DISP1: variants seen among roughly 807,000 people sequenced by gnomAD.
DISP1 encodes protein dispatched homolog 1.
DISP1 carries 30 observed loss-of-function variants against 37.3 expected under a neutral mutation model. That is an observed-to-expected ratio of 0.80 (90% CI 0.60 to 1.09). The LOEUF is 1.09. Among genes scored for constraint, DISP1 ranks in the 50% least tolerant of loss-of-function variants. The probability of loss-of-function intolerance (pLI) is 0.00; values close to 1 mark genes in which losing one functional copy is unlikely to be tolerated. For missense variants in DISP1, 1,598 were observed against 1,879.5 expected (o/e 0.85, Z 2.77); for synonymous variants, 634 against 690.2 (o/e 0.92, Z 1.28).
At position 223,002,755 on chromosome 1, in the gene DISP1, T is replaced by C. The variant is rs1344116927; in HGVS notation, c.1358T>C (p.Met453Thr). ...GCCACGCCAGCTTTAAAATACAGCA[T>C]GCTCTTCTCTCCCACAGAGAAAGGG... Reference protein sequence around the residue: ...DYATPALKYSMLFSPTEKGES... With the variant: ...DYATPALKYSTLFSPTEKGES... Residue 453 changes from methionine (M) to threonine (T), a missense_variant, in exon 9 of 9, where the codon ATG becomes ACG. Physicochemically the swap from Met to Thr is moderately conservative, Grantham distance 81. Coordinates refer to ENST00000675850, the MANE Select transcript of DISP1 (RefSeq NM_001377229.1). 5.0e-6 allele frequency: 8 copies of C among 1,614,060 alleles called. No individual in the cohort carries two copies. Among genetic ancestry groups the C allele is most frequent in the Non-Finnish European group, 6.8e-6 (8 of 1,180,040 alleles).
At chr1:222,829,789 T>G (rs1665297400) in intron 1 of DISP1, among the ~76,000 whole-genome samples, 1 of 152,166 alleles carries the variant, frequency 6.6e-6, no homozygotes, top group Non-Finnish European at 1.5e-5. Flanking sequence ...ATTCTATATT[T>G]TTTCATATAT....
chr1:222,944,139 G>C (rs1206908362), intron 3 of DISP1, among the ~76,000 whole-genome samples: 3 of 152,200 alleles, frequency 2.0e-5, no homozygotes, highest in Non-Finnish European at 2.9e-5. Flanking sequence ...TATGTGGTAT[G>C]CTGAGATCAA....
intron 1 of DISP1, among the ~76,000 whole-genome samples, chr1:222,891,957 T>A (rs1403837150): frequency 1.3e-5 from 2 of 152,036 alleles, no homozygotes; most frequent in Admixed American, 1.3e-4. Context: ...TAGGAAGATC[T>A]TGTATGACTG....
At chr1:223,002,259 G>T in intron 8 of DISP1, 126 bp from the exon 9 acceptor site, 1 of 927,562 alleles carries the variant, frequency 1.1e-6, no homozygotes. Context: ...TAGTTTAAGT[G>T]GATAATTATT....
intron 1 of DISP1, among the ~76,000 whole-genome samples, chr1:222,854,993 C>G (rs1002325949): frequency 6.6e-6 from 1 of 152,124 alleles, no homozygotes; most frequent in African/African-American, 2.4e-5. Flanking sequence ...AACCTCAGTA[C>G]TACTAGTGGG....
At chr1:222,930,566 CTG>C (rs1673329928) in intron 2 of DISP1, among the ~76,000 whole-genome samples, 1 of 151,920 alleles carries the variant, frequency 6.6e-6, no homozygotes, top group South Asian at 2.1e-4. Flanking sequence ...TCCAAGAAAA[CTG>C]TATAAGGAAG....
At position 223,005,202 on chromosome 1, in the gene DISP1, C is replaced by T. The variant is rs1572754531; in HGVS notation, c.3805C>T (p.Gln1269Ter). The T allele has an allele frequency of 1.9e-6, 3 of 1,614,060 alleles. No individual in the cohort carries two copies. In the East Asian group the frequency reaches 6.7e-5, roughly 36 times the overall value. Reference sequence around the variant, plus strand: ...CGTGTGTCACTTCTTCTCTCTGAATCAGAGATGTAGCTGCCCAGATGCCTA... The same window carrying T: ...CGTGTGTCACTTCTTCTCTCTGAATTAGAGATGTAGCTGCCCAGATGCCTA... ...HTVCHFFSLNQRCSCPDAYKH... is the reference protein window; with the variant it reads ...HTVCHFFSLN The change falls in exon 9 of 9, where the codon CAG (glutamine) becomes TAG (stop). Residue 1269 changes from glutamine (Q) to a stop codon, truncating the protein, a stop_gained. Coordinates refer to ENST00000675850, the MANE Select transcript of DISP1 (RefSeq NM_001377229.1). LOFTEE classifies it low-confidence loss of function (END_TRUNC).
At chr1:222,891,797 G>A (rs754495747) in intron 1 of DISP1, among the ~76,000 whole-genome samples, 21 of 152,066 alleles carry the variant, frequency 1.4e-4, no homozygotes, top group Non-Finnish European at 1.5e-4. Flanking sequence ...AGTGAAAGTG[G>A]AAGCCAGGAT....
At chr1:222,885,532 A>G (rs997500986) in intron 1 of DISP1, among the ~76,000 whole-genome samples, 8 of 149,796 alleles carry the variant, frequency 5.3e-5, no homozygotes, top group African/African-American at 2.0e-4. Context: ...GCAGTGGTGC[A>G]ATCACAGCTG....
At chr1:222,954,507 T>C (rs993070300) in intron 3 of DISP1, among the ~76,000 whole-genome samples, 5 of 152,182 alleles carry the variant, frequency 3.3e-5, no homozygotes, top group Middle Eastern at 3.4e-3. Context: ...TTAACAAAAC[T>C]TAACAACAGC....
At chr1:222,869,250 A>T (rs1669379585) in intron 1 of DISP1, among the ~76,000 whole-genome samples, 1 of 152,192 alleles carries the variant, frequency 6.6e-6, no homozygotes, top group African/African-American at 2.4e-5. Context: ...AATAAAAGAA[A>T]AATATTTTTG....
intron 1 of DISP1, among the ~76,000 whole-genome samples, chr1:222,913,753 A>G (rs1480890590): frequency 9.3e-5 from 5 of 53,658 alleles, no homozygotes; most frequent in Admixed American, 4.6e-4. Context: ...CAAAAAAAAG[A>G]AAAAAAAAAG....
At chr1:222,933,859 A>G (rs1673551830) in intron 2 of DISP1, among the ~76,000 whole-genome samples, 1 of 152,008 alleles carries the variant, frequency 6.6e-6, no homozygotes, top group African/African-American at 2.4e-5. Context: ...AAAGTGTCTG[A>G]TTCTTTCATT....
At chr1:222,919,199 G>A (rs1314871172) in intron 1 of DISP1, among the ~76,000 whole-genome samples, 1 of 152,218 alleles carries the variant, frequency 6.6e-6, no homozygotes. Context: ...GGTGCAGGCC[G>A]AAAGAGTGGG....
rs201279402 is a variant in DISP1 at position 222,988,581 on chromosome 1, CTCTT to C, written c.540-2038_540-2035del. The stretch of plus-strand genomic sequence containing the variant: ...TTTTATAAGATTTCTCTTTCTCTCT[CTCTT>C]TCTTTTTTCTTCCTTTCTCTCTCTT... On this transcript the variant is annotated intron_variant, in intron 4 of 8. Transcript: ENST00000675850. 3.2e-3 allele frequency among the ~76,000 whole-genome samples: 441 copies of C among 138,978 alleles called. 2 individuals carry two copies. The highest frequency in any genetic ancestry group is 0.011 in the African/African-American group (423 of 37,834). 91.2% of individuals were successfully genotyped at this position (138,978 alleles called of 152,430 possible).
rs577630269 is a variant in DISP1 at position 222,997,048 on chromosome 1, C to A, written c.987+2066C>A. Among the ~76,000 whole-genome samples the A allele has an allele frequency of 2.9e-3, 430 of 148,160 alleles. 1 individual carries two copies. The highest frequency in any genetic ancestry group is 0.026 in the East Asian group (131 of 4,958). On this transcript the variant is annotated intron_variant, in intron 8 of 8. Coordinates refer to ENST00000675850, the MANE Select transcript of DISP1 (RefSeq NM_001377229.1). ...CCTCTCTCTCTGTCTCTCTCTCTCT[C>A]TCTATATATATATATATATTTGTAA...
chr1:222,975,227 C>T lies in DISP1; in HGVS notation c.510-7853C>T, dbSNP rs1677226265. Among the ~76,000 whole-genome samples the T allele has an allele frequency of 4.0e-5, 6 of 151,822 alleles. No homozygotes were observed. In the South Asian group the frequency reaches 1.3e-3, roughly 32 times the overall value. Reference sequence around the variant, plus strand: ...TTTTATAGAGATAGGGGCTCACTATCACGCCCAGGCCAGTCTTGAACTCCT... The same window carrying T: ...TTTTATAGAGATAGGGGCTCACTATTACGCCCAGGCCAGTCTTGAACTCCT... On this transcript the variant is annotated intron_variant, in intron 3 of 8. Transcript: ENST00000675850.
chr1:222,842,203 C>A (rs1195117051), intron 1 of DISP1, among the ~76,000 whole-genome samples: 2 of 151,546 alleles, frequency 1.3e-5, no homozygotes, highest in African/African-American at 4.8e-5. Flanking sequence ...TTTTTTAAAG[C>A]CTTTTGTGAT....
Position 223,003,515 on chromosome 1 carries a change from C to T in DISP1, c.2118C>T (p.Phe706=), listed in dbSNP as rs201599231. Residue 706 remains phenylalanine (F), a synonymous_variant, in exon 9 of 9, where the codon TTC becomes TTT. Transcript: ENST00000675850. This position sits in a 1 kb window ranked among gnomAD's most constrained non-coding sequence, Gnocchi z 4.3. The stretch of plus-strand genomic sequence containing the variant: ...TTTCAGAAGCATCTCGAATTTTTTT[C>T]GAAAAAGTATTGCCATGCATTGTCA... ...FAISEASRIF[F]EKVLPCIVIK... is the part of the protein sequence containing the mutation. 81 of 1,613,976 alleles carry T rather than the reference C, an allele frequency of 5.0e-5. No individual in the cohort carries two copies. The highest frequency in any genetic ancestry group is 2.5e-4 in the Admixed American group (15 of 60,006).
Sources: allele counts gnomAD v4.1 joint callset (sites outside exome capture counted in the v4.1 genomes callset), GRCh38; gene constraint gnomAD v4.1.1; non-coding constraint Gnocchi (gnomAD v3.1); transcripts MANE v1.5; gene names NCBI Gene and HGNC (gene_info 2026-07-23, HGNC 2026-07-21).